The following C16orf96 variants were observed in gnomAD, a reference collection of about 807,000 sequenced individuals.
C16orf96 encodes the protein chromosome 16 open reading frame 96.
In C16orf96, 108 loss-of-function variants were observed where a neutral mutation model predicts 103.6. That is an observed-to-expected ratio of 1.04 (90% CI 0.89 to 1.22). The LOEUF (loss-of-function observed/expected upper bound fraction) is 1.22. C16orf96 is among the 50% of genes most tolerant of loss of function. The pLI, the probability that C16orf96 is intolerant of heterozygous loss-of-function variation, is 0.00. For missense variants in C16orf96, 1,586 were observed against 1,464.2 expected, an observed-to-expected ratio of 1.08 and a Z score of -1.36; for synonymous variants, 566 against 593.5, an observed-to-expected ratio of 0.95 and a Z score of 0.67.
chr16:4,543,498 T>C, the C16orf96 span, among the ~76,000 whole-genome samples: 1 of 152,066 alleles, frequency 6.6e-6, no homozygotes, highest in Non-Finnish European at 1.5e-5. Context: ...TTAATTAATT[T>C]ATATTAAAAT....
intron 1 of C16orf96, chr16:4,562,752 GT>G: frequency 1.3e-6 from 1 of 772,444 alleles, no homozygotes; most frequent in South Asian, 2.2e-5. Context: ...AAAAGCCAAT[GT>G]AAAAAGACAG....
rs756459127 is a variant in C16orf96, at chr16:4,556,497, T to G, written c.8T>G (p.Phe3Cys). The G allele has an allele frequency of 9.2e-6, 14 of 1,526,830 alleles. No homozygotes were observed. In the African/African-American group the frequency reaches 9.6e-5, roughly 11 times the overall value. The allele number at this position is 1,526,830 out of a possible 1,614,324, so 94.6% of individuals were successfully genotyped here. MS[F>C]SLTFTELANI... ...CTGACCCACCCTGGCAGGATGAGCTTCTCACTCACGTTCACCGAGCTGGCC... is the reference window on the plus strand; with the variant it reads ...CTGACCCACCCTGGCAGGATGAGCTGCTCACTCACGTTCACCGAGCTGGCC... The change falls in exon 1 of 16, where the codon TTC (phenylalanine) becomes TGC (cysteine). Residue 3 changes from phenylalanine to cysteine, a missense_variant. Coordinates refer to ENST00000444310, the MANE Select transcript of C16orf96 (RefSeq NM_001145011.2).
At chr16:4,565,239 G>C (rs762020958) in intron 1 of C16orf96, among the ~76,000 whole-genome samples, 40 of 152,158 alleles carry the variant, frequency 2.6e-4, no homozygotes, top group Admixed American at 1.6e-3. Context: ...GCTTCTGGAA[G>C]GGCAACTGTC....
intron 15 of C16orf96, among the ~76,000 whole-genome samples, chr16:4,599,669 C>G (rs1005099652): frequency 3.3e-5 from 5 of 152,352 alleles, no homozygotes; most frequent in African/African-American, 1.2e-4. Flanking sequence ...CCTGAGGGTA[C>G]TTTACAGTTT....
At chr16:4,551,850 A>G (rs1567433099), upstream of C16orf96, among the ~76,000 whole-genome samples, 2 of 152,074 alleles carry the variant, frequency 1.3e-5, no homozygotes, top group East Asian at 1.9e-4. Context: ...CTATCAACCC[A>G]TCATCTAGGT....
chr16:4,575,536 T>TGTCCCAGGGCCCA lies in C16orf96; in HGVS notation c.1059_1071dup (p.Val358ProfsTer76). On this transcript the variant is annotated frameshift_variant, in exon 5 of 16. Transcript: ENST00000444310. LOFTEE classifies it high-confidence loss of function. ...TGGAGCCTGTGCCTGCCCTGGGGCC[T>TGTCCCAGGGCCCA]GTCCCAGGGCCCAGTGTGACACCTG... 3 of 1,542,482 alleles carry TGTCCCAGGGCCCA rather than the reference T, an allele frequency of 1.9e-6. No homozygotes were observed. The highest frequency in any genetic ancestry group is 2.6e-6 in the Non-Finnish European group (3 of 1,144,390).
chr16:4,554,314 C>G (rs7190345), upstream of C16orf96, among the ~76,000 whole-genome samples: 5,156 of 152,086 alleles, frequency 0.034, 307 homozygotes, highest in African/African-American at 0.12. Context: ...CAGGGACATG[C>G]AGGGCCTAGA....
intron 1 of C16orf96, among the ~76,000 whole-genome samples, chr16:4,570,755 C>T (rs554299895): frequency 3.0e-4 from 46 of 152,218 alleles, no homozygotes; most frequent in Admixed American, 1.0e-3. Context: ...CATGAGCCAC[C>T]GCGCCAAGCT....
At chr16:4,543,287 A>G in the C16orf96 span, among the ~76,000 whole-genome samples, 2 of 152,048 alleles carry the variant, frequency 1.3e-5, no homozygotes, top group African/African-American at 4.8e-5. Flanking sequence ...TGAAACACAG[A>G]GTGTGTGGGG....
chr16:4,586,152 C>T lies in C16orf96; in HGVS notation c.2353-887C>T, dbSNP rs530814406. Among the ~76,000 whole-genome samples the T allele has an allele frequency of 1.8e-3, 271 of 152,174 alleles. 1 individual carries two copies. Among genetic ancestry groups the T allele is most frequent in the South Asian group, 6.0e-3 (29 of 4,820 alleles). The stretch of plus-strand genomic sequence containing the variant: ...TTGGGTGTCAGTGACCCCAACTACT[C>T]GGGAGGCTGAGGTGGGAGAATCTCT... On this transcript the variant is annotated intron_variant, in intron 7 of 15. Coordinates refer to ENST00000444310, the MANE Select transcript of C16orf96 (RefSeq NM_001145011.2).
At chr16:4,586,785 A>C (rs893046737) in intron 7 of C16orf96, among the ~76,000 whole-genome samples, 2 of 152,140 alleles carry the variant, frequency 1.3e-5, no homozygotes, top group African/African-American at 4.8e-5. Context: ...CCTTGGGTCT[A>C]ACTCCCCGTG....
At chr16:4,599,148 C>G in intron 14 of C16orf96, 136 bp from the exon 15 acceptor site, 1 of 692,018 alleles carries the variant, frequency 1.4e-6, no homozygotes. Context: ...ATTGATTATC[C>G]CATAAAGGAA....
At chr16:4,545,474 G>C in the C16orf96 span, among the ~76,000 whole-genome samples, 1 of 152,204 alleles carries the variant, frequency 6.6e-6, no homozygotes, top group East Asian at 1.9e-4. Flanking sequence ...TTACAGGCGT[G>C]AGCCGCTGCA....
chr16:4,594,147 A>T (rs1259957427), intron 12 of C16orf96, among the ~76,000 whole-genome samples: 1 of 152,236 alleles, frequency 6.6e-6, no homozygotes, highest in Non-Finnish European at 1.5e-5. Flanking sequence ...GTCTGGGGAA[A>T]TGCAGGTCTC....
At chr16:4,599,201 G>A in intron 14 of C16orf96, 83 bp from the exon 15 acceptor site, 1 of 1,236,512 alleles carries the variant, frequency 8.1e-7, no homozygotes, top group African/African-American at 1.5e-5. Context: ...CCACCAGAGG[G>A]AGACTGCCCA....
chr16:4,574,020 G>T (rs897139342), intron 2 of C16orf96, among the ~76,000 whole-genome samples: 1 of 151,610 alleles, frequency 6.6e-6, no homozygotes, highest in South Asian at 2.1e-4. Context: ...TTTTAGTGGA[G>T]GTGGGGGCTT....
intron 7 of C16orf96, among the ~76,000 whole-genome samples, chr16:4,581,677 C>T (rs928423651): frequency 6.6e-6 from 1 of 151,924 alleles, no homozygotes; most frequent in Non-Finnish European, 1.5e-5. Context: ...GATGTGGTGG[C>T]TCATACCTGT....
In C16orf96 at chr16:4,593,227, G is replaced by A; in HGVS notation, c.2778G>A (p.Gln926=). ...CTGTGCCCTTGTCCTCCAACAGACA[G>A]CTGATCACCATCCGCAAAGCCCACC... The part of the protein sequence containing the change: ...DRPVEMMTGP[Q]LITIRKAHLL... The change falls in exon 12 of 16, where the codon CAG becomes CAA. Residue 926 remains glutamine (Q), a synonymous_variant. Transcript: ENST00000444310. This position sits in a 1 kb window ranked among gnomAD's most constrained non-coding sequence, Gnocchi z 4.2. 1.3e-6 allele frequency: 2 copies of A among 1,551,132 alleles called. No homozygotes were observed. Among genetic ancestry groups the A allele is most frequent in the Non-Finnish European group, 8.7e-7 (1 of 1,146,836 alleles).
At chr16:4,584,207 G>A (rs1567452305) in intron 7 of C16orf96, among the ~76,000 whole-genome samples, 1 of 152,030 alleles carries the variant, frequency 6.6e-6, no homozygotes. Flanking sequence ...TCCCAGTGTC[G>A]TTTTGGGTCT....
Sources: allele counts gnomAD v4.1 joint callset (sites outside exome capture counted in the v4.1 genomes callset), GRCh38; gene constraint gnomAD v4.1.1; non-coding constraint Gnocchi (gnomAD v3.1); transcripts MANE v1.5; gene names NCBI Gene and HGNC (gene_info 2026-07-23, HGNC 2026-07-21).